The following ACVR1 variants were observed in gnomAD, a reference collection of about 807,000 sequenced individuals.
ACVR1 encodes the protein activin A receptor type 1, also known as activin receptor type-1.
ACVR1 carries 38 observed loss-of-function variants against 57.1 expected under a neutral mutation model. The ratio of observed to expected loss-of-function variants is 0.67; its 90% CI spans 0.51 to 0.87. The LOEUF is 0.87. Ranked by LOEUF, ACVR1 falls within the 40% of genes least tolerant of loss-of-function variation. ACVR1 has a pLI of 0.00. For missense variants in ACVR1, 463 were observed against 638.2 expected (o/e 0.73, Z 2.96); for synonymous variants, 212 against 228.1 (o/e 0.93, Z 0.63).
At chr2:157,815,833 G>A (rs149460726) in intron 2 of ACVR1, among the ~76,000 whole-genome samples, 93 of 152,236 alleles carry the variant, frequency 6.1e-4, no homozygotes, top group Non-Finnish European at 1.2e-3. Context: ...GCCGTGCATC[G>A]TCTGCCTTGG....
intron 5 of ACVR1, among the ~76,000 whole-genome samples, chr2:157,776,931 T>C (rs1686311619): frequency 6.6e-6 from 1 of 152,236 alleles, no homozygotes; most frequent in Non-Finnish European, 1.5e-5. Flanking sequence ...ATTACTTTGA[T>C]TGTCTTTCAA....
chr2:157,776,015 G>A (rs1686270889), intron 5 of ACVR1, among the ~76,000 whole-genome samples: 1 of 152,164 alleles, frequency 6.6e-6, no homozygotes, highest in African/African-American at 2.4e-5. Flanking sequence ...GAGCCACCAT[G>A]CATGGCCAAG....
At chr2:157,738,074 G>A (rs1684608160) in intron 10 of ACVR1, among the ~76,000 whole-genome samples, 1 of 152,058 alleles carries the variant, frequency 6.6e-6, no homozygotes, top group Non-Finnish European at 1.5e-5. Context: ...CTTGTGTTTG[G>A]GATTTCAGAT....
chr2:157,813,660 G>T (rs1687833031), intron 2 of ACVR1, among the ~76,000 whole-genome samples: 1 of 152,214 alleles, frequency 6.6e-6, no homozygotes, highest in South Asian at 2.1e-4. Context: ...CCACAGGACA[G>T]AAGGAACTCA....
chr2:157,765,806 A>G lies in ACVR1; in HGVS notation c.1066+115T>C, dbSNP rs371333105. 6.9e-5 allele frequency: 73 copies of G among 1,053,290 alleles called. 1 individual carries two copies. The highest frequency in any genetic ancestry group is 3.8e-4 in the East Asian group (15 of 39,274). The allele number at this position is 1,053,290 out of a possible 1,614,324, so 65.2% of individuals were successfully genotyped here. On this transcript the variant is annotated intron_variant, in intron 8 of 10. Coordinates refer to ENST00000434821, the MANE Select transcript of ACVR1 (RefSeq NM_001111067.4). ...TAAAGGTGTTCATTGTAAATGTTCA[A>G]CTTTTCTGCATGTTTGAAATTTTGC...
At chr2:157,806,687 T>G (rs957886793) in intron 2 of ACVR1, 1 of 152,178 alleles carries the variant, frequency 6.6e-6, no homozygotes, top group African/African-American at 2.4e-5. Flanking sequence ...AAATGAGACA[T>G]GGGCTGTCAG....
intron 2 of ACVR1, among the ~76,000 whole-genome samples, chr2:157,810,845 T>C (rs1687727469): frequency 6.6e-6 from 1 of 152,206 alleles, no homozygotes; most frequent in South Asian, 2.1e-4. Context: ...CCATCCAGTC[T>C]TCAGTCCACA....
rs573641282 is a variant in ACVR1 at position 157,834,372 on chromosome 2, C to T, written c.-182-15813G>A. Among the ~76,000 whole-genome samples the T allele has an allele frequency of 1.8e-3, 279 of 152,012 alleles. 3 individuals are homozygous for T. Among genetic ancestry groups the T allele is most frequent in the Non-Finnish European group, 2.9e-3 (195 of 67,966 alleles). On this transcript the variant is annotated intron_variant, in intron 1 of 10. Transcript: ENST00000434821. ...CCTCCCAAAGTGCTAGGATTATAGG[C>T]GTGACCCACCATGCCCAGCCTGGTA...
chr2:157,739,888 T>C (rs1482373326), intron 9 of ACVR1, among the ~76,000 whole-genome samples: 1 of 152,176 alleles, frequency 6.6e-6, no homozygotes, highest in Non-Finnish European at 1.5e-5. Context: ...CTAAATTATA[T>C]TTTTTAAAAA....
chr2:157,777,019 AT>A (rs1176355837), intron 5 of ACVR1, among the ~76,000 whole-genome samples: 1 of 152,044 alleles, frequency 6.6e-6, no homozygotes, highest in Non-Finnish European at 1.5e-5. Context: ...CAAATCTCAA[AT>A]TTTTCAGAGT....
chr2:157,738,064 C>T (rs1684607721), intron 10 of ACVR1, among the ~76,000 whole-genome samples: 1 of 152,152 alleles, frequency 6.6e-6, no homozygotes, highest in South Asian at 2.1e-4. Flanking sequence ...CATCCAGCAG[C>T]TTGTGTTTGG....
At chr2:157,850,368 C>T (rs892491482) in intron 1 of ACVR1, among the ~76,000 whole-genome samples, 3 of 148,596 alleles carry the variant, frequency 2.0e-5, no homozygotes, top group South Asian at 2.1e-4. Flanking sequence ...CCAGCCTGGG[C>T]GACAGAAAAG....
In ACVR1 at chr2:157,780,481, A is replaced by G; in HGVS notation, c.187T>C (p.Phe63Leu). The G allele has an allele frequency of 6.2e-7, 1 of 1,614,180 alleles. No individual in the cohort carries two copies. Residue 63 changes from phenylalanine to leucine, a missense_variant, in exon 4 of 11, where the codon TTC becomes CTC. This residue lies in a region of ACVR1 where 203 missense variants were observed against 235.5 expected (regional missense o/e 0.86). Coordinates refer to ENST00000434821, the MANE Select transcript of ACVR1 (RefSeq NM_001111067.4). Reference sequence around the variant, plus strand: ...AAGCAGCCTTTCTGGTAGACGTGGAAGCCATCGTTGATGCTCAGTGAGGAA... The same window carrying G: ...AAGCAGCCTTTCTGGTAGACGTGGAGGCCATCGTTGATGCTCAGTGAGGAA... ...CFSSLSINDGFHVYQKGCFQV... is the reference protein window; with the variant it reads ...CFSSLSINDGLHVYQKGCFQV...
intron 2 of ACVR1, among the ~76,000 whole-genome samples, chr2:157,812,269 T>C (rs1441942345): frequency 2.0e-5 from 3 of 152,044 alleles, no homozygotes; most frequent in African/African-American, 7.2e-5. Context: ...AGAAAGAAGC[T>C]GGAGGTCAAA....
intron 1 of ACVR1, among the ~76,000 whole-genome samples, chr2:157,864,590 C>T (rs1215188560): frequency 6.6e-6 from 1 of 152,134 alleles, no homozygotes; most frequent in African/African-American, 2.4e-5. Context: ...TCTAGTTTGA[C>T]AATCAGCAGG....
rs201713896 is a variant in ACVR1, at chr2:157,751,692, ACTTCC to A, written c.1264+9183_1264+9187del. Among the ~76,000 whole-genome samples the A allele has an allele frequency of 9.0e-4, 137 of 152,164 alleles. 3 individuals carry two copies. The East Asian group carries it at 0.021, about 24-fold the overall frequency. The stretch of plus-strand genomic sequence containing the variant: ...GGCCTATAACTGCTGGCTTTCCCCT[ACTTCC>A]CTGACAACATGCATGACACAGCAGA... On this transcript the variant is annotated intron_variant, in intron 9 of 10. Transcript: ENST00000434821.
At chr2:157,760,802 G>A in intron 9 of ACVR1, 78 bp downstream of exon 9, 4 of 1,367,508 alleles carry the variant, frequency 2.9e-6, no homozygotes, top group Non-Finnish European at 4.1e-6. Context: ...AATTTCAATA[G>A]TCCCTTCAGC....
intron 1 of ACVR1, among the ~76,000 whole-genome samples, chr2:157,866,724 G>GT (rs796421172): frequency 1.4e-4 from 21 of 152,304 alleles, no homozygotes; most frequent in African/African-American, 5.1e-4. Flanking sequence ...ATGAGCAGAT[G>GT]TTTTATCAGT....
In ACVR1 at chr2:157,737,621, T is replaced by C; in HGVS notation, c.1440A>G (p.Gln480=). The change falls in exon 11 of 11, where the codon CAA becomes CAG. Residue 480 remains glutamine, a synonymous_variant. Coordinates refer to ENST00000434821, the MANE Select transcript of ACVR1 (RefSeq NM_001111067.4). The part of the protein sequence containing the change: ...LAKLMKECWY[Q]NPSARLTALR... Reference sequence around the variant, plus strand: ...GTGCTGTGAGTCTTGCGGATGGATTTTGATACCAGCATTCTTTCATTAGCT... The same window carrying C: ...GTGCTGTGAGTCTTGCGGATGGATTCTGATACCAGCATTCTTTCATTAGCT... 6.2e-7 allele frequency: 1 copy of C among 1,614,190 alleles called. No individual in the cohort carries two copies. Among genetic ancestry groups the C allele is most frequent in the Non-Finnish European group, 8.5e-7 (1 of 1,180,004 alleles).
Sources: allele counts gnomAD v4.1 joint callset (sites outside exome capture counted in the v4.1 genomes callset), GRCh38; gene constraint gnomAD v4.1.1; regional missense constraint gnomAD v4.1.1; transcripts MANE v1.5; gene names NCBI Gene and HGNC (gene_info 2026-07-23, HGNC 2026-07-21).